The following CMIP variants were observed in gnomAD, a reference collection of about 807,000 sequenced individuals.
CMIP encodes the protein C-Maf-inducing protein.
In CMIP, 13 loss-of-function variants were observed where a neutral mutation model predicts 97.3. The ratio of observed to expected loss-of-function variants is 0.13; its 90% CI spans 0.09 to 0.21. The LOEUF (loss-of-function observed/expected upper bound fraction) is 0.21. Ranked by LOEUF, CMIP falls within the 10% of genes least tolerant of loss-of-function variation. The pLI is 1.00. For missense variants in CMIP, 847 were observed against 1,024.9 expected (o/e 0.83, Z 2.37); for synonymous variants, 538 against 436.3 (o/e 1.23, Z -2.91).
chr16:81,548,084 T>A (rs1052261091), intron 1 of CMIP, among the ~76,000 whole-genome samples: 7 of 151,534 alleles, frequency 4.6e-5, no homozygotes, highest in African/African-American at 1.7e-4. Flanking sequence ...AGTATATACA[T>A]CATGATTTTT....
At chr16:81,473,698 G>A (rs1907700511) in intron 1 of CMIP, among the ~76,000 whole-genome samples, 1 of 151,940 alleles carries the variant, frequency 6.6e-6, no homozygotes, top group Admixed American at 6.6e-5. Flanking sequence ...GTAGGACTTG[G>A]GCCTGCCTTT....
At chr16:81,557,731 A>T (rs1440294975) in intron 1 of CMIP, among the ~76,000 whole-genome samples, 1 of 152,126 alleles carries the variant, frequency 6.6e-6, no homozygotes, top group Non-Finnish European at 1.5e-5. Context: ...TTGCTACTCC[A>T]CTCCAGCCTG....
At chr16:81,595,198 C>A (rs903955993) in intron 1 of CMIP, among the ~76,000 whole-genome samples, 1 of 151,904 alleles carries the variant, frequency 6.6e-6, no homozygotes, top group Non-Finnish European at 1.5e-5. Context: ...ACATTTTCAT[C>A]CCCCAAAATG....
chr16:81,458,453 G>A (rs914388015), intron 1 of CMIP, among the ~76,000 whole-genome samples: 2 of 152,202 alleles, frequency 1.3e-5, no homozygotes, highest in Admixed American at 6.5e-5. Context: ...CTGGCTGGGG[G>A]CATGACTAGA....
At chr16:81,665,310 C>G (rs1057132956) in intron 7 of CMIP, 28 of 152,178 alleles carry the variant, frequency 1.8e-4, no homozygotes, top group African/African-American at 6.3e-4. Flanking sequence ...GCTAGGTCCA[C>G]TAAGTGGCCA....
In CMIP at chr16:81,484,076, T is replaced by C. The variant is rs116425703; in HGVS notation, c.300+38535T>C. ...GGGTTTCTGCGAGATGTGAGATTCA[T>C]TGGCGGACAAACCAGATAGCGTTTT... On this transcript the variant is annotated intron_variant, in intron 1 of 20. Coordinates refer to ENST00000537098, the MANE Select transcript of CMIP (RefSeq NM_198390.3). Among the ~76,000 whole-genome samples, 528 of 152,338 alleles carry C rather than the reference T, an allele frequency of 3.5e-3. 5 individuals are homozygous for C. Among genetic ancestry groups the C allele is most frequent in the African/African-American group, 0.012 (499 of 41,568 alleles).
chr16:81,483,562 A>AGCCTCT (rs2089264834), intron 1 of CMIP, among the ~76,000 whole-genome samples: 1 of 146,826 alleles, frequency 6.8e-6, no homozygotes, highest in African/African-American at 2.6e-5. Flanking sequence ...TCCCTCCCGC[A>AGCCTCT]GCCTCTTCCT....
chr16:81,703,767 C>A (rs903861598), intron 17 of CMIP, 172 bp from the exon 18 acceptor site: 12 of 836,308 alleles, frequency 1.4e-5, no homozygotes, highest in Non-Finnish European at 2.2e-5. Context: ...TCTGGCCACC[C>A]CCTTGGCCCA....
At chr16:81,471,547 A>G (rs1274955542) in intron 1 of CMIP, among the ~76,000 whole-genome samples, 1 of 135,130 alleles carries the variant, frequency 7.4e-6, no homozygotes. Context: ...GTACACATAC[A>G]CACATGTGCA....
At chr16:81,543,877 A>G (rs766067607) in intron 1 of CMIP, among the ~76,000 whole-genome samples, 18 of 152,180 alleles carry the variant, frequency 1.2e-4, no homozygotes, top group African/African-American at 4.1e-4. Context: ...TTCACCTTCT[A>G]CTTTCTGTCT....
chr16:81,607,221 C>G (rs1054910604), intron 1 of CMIP, among the ~76,000 whole-genome samples: 4 of 152,196 alleles, frequency 2.6e-5, no homozygotes, highest in Non-Finnish European at 4.4e-5. Context: ...AAGGTGGTGG[C>G]TTATTGCTGG....
intron 1 of CMIP, among the ~76,000 whole-genome samples, chr16:81,532,624 A>C (rs2090261463): frequency 6.6e-6 from 1 of 152,132 alleles, no homozygotes; most frequent in African/African-American, 2.4e-5. Flanking sequence ...AGGCAGCGGG[A>C]GGCGAAGCCA....
chr16:81,615,283 GTGGTGTGTGTGCATGTGTAAC>G (rs63748978), intron 2 of CMIP, among the ~76,000 whole-genome samples: 9,355 of 124,374 alleles, frequency 0.075, 659 homozygotes, highest in East Asian at 0.32. Context: ...ATGTGGCTGT[GTGGTGTGTGTGCATGTGTAAC>G]TGGTGTGTGT....
intron 1 of CMIP, 66 bp downstream of exon 1, chr16:81,445,607 GC>G: frequency 6.8e-7 from 1 of 1,480,656 alleles, no homozygotes; most frequent in Non-Finnish European, 9.0e-7. Flanking sequence ...CTCCCTGGCT[GC>G]CCCCTGGCGC....
At chr16:81,505,288 A>C (rs1209782797) in intron 1 of CMIP, among the ~76,000 whole-genome samples, 1 of 152,202 alleles carries the variant, frequency 6.6e-6, no homozygotes, top group African/African-American at 2.4e-5. Flanking sequence ...GGGAAGTGGA[A>C]TCCCTCATGT....
intron 1 of CMIP, among the ~76,000 whole-genome samples, chr16:81,515,756 G>A: frequency 6.6e-6 from 1 of 152,328 alleles, no homozygotes. Context: ...GATCTGCTGG[G>A]TGTGGTCGGG....
chr16:81,474,170 T>A (rs1403881021), intron 1 of CMIP, among the ~76,000 whole-genome samples: 1 of 152,066 alleles, frequency 6.6e-6, no homozygotes, highest in Non-Finnish European at 1.5e-5. Context: ...TGTACTCAGG[T>A]TCCCCCCTGC....
chr16:81,605,843 G>T (rs532759574), intron 1 of CMIP, among the ~76,000 whole-genome samples: 1 of 152,356 alleles, frequency 6.6e-6, no homozygotes, highest in Admixed American at 6.5e-5. Flanking sequence ...TGAATCTCCA[G>T]CACCTAGCAT....
intron 3 of CMIP, among the ~76,000 whole-genome samples, chr16:81,643,226 T>C (rs993616907): frequency 6.6e-5 from 10 of 152,234 alleles, no homozygotes; most frequent in Non-Finnish European, 1.5e-4. Context: ...CAAGGACATC[T>C]GTCTCACCTG....
Sources: allele counts gnomAD v4.1 joint callset (sites outside exome capture counted in the v4.1 genomes callset), GRCh38; gene constraint gnomAD v4.1.1; transcripts MANE v1.5; gene names NCBI Gene and HGNC (gene_info 2026-07-23, HGNC 2026-07-21).